TANC1: variants seen among roughly 807,000 people sequenced by gnomAD.
TANC1 encodes tetratricopeptide repeat, ankyrin repeat and coiled-coil containing 1, also known as protein TANC1.
A neutral mutation model predicts 149.7 loss-of-function variants in TANC1; 77 were observed. That is an observed-to-expected ratio of 0.51 (90% CI 0.43 to 0.62). The LOEUF is 0.62. TANC1 is among the 20% of genes least tolerant of loss of function. The probability of loss-of-function intolerance (pLI) is 0.00; values close to 1 mark genes in which losing one functional copy is unlikely to be tolerated. For missense variants in TANC1, 1,985 were observed against 2,321.8 expected, an observed-to-expected ratio of 0.85 and a Z score of 2.98; for synonymous variants, 854 against 925.0, an observed-to-expected ratio of 0.92 and a Z score of 1.39.
At chr2:159,137,964 TATAA>T (rs1311315325) in intron 5 of TANC1, among the ~76,000 whole-genome samples, 5 of 152,218 alleles carry the variant, frequency 3.3e-5, no homozygotes, top group African/African-American at 1.2e-4. Context: ...AATAAAAGGT[TATAA>T]ATAGTTCCTA....
chr2:159,231,226 A>G lies in TANC1; in HGVS notation c.*214A>G, dbSNP rs1045765046. 2 of 482,902 alleles carry G rather than the reference A, an allele frequency of 4.1e-6. No homozygotes were observed. Among genetic ancestry groups the G allele is most frequent in the African/African-American group, 3.9e-5 (2 of 51,596 alleles). 29.9% of individuals were successfully genotyped at this position (482,902 alleles called of 1,614,324 possible). A position where few individuals can be genotyped will look rare whatever the true frequency, so the allele number is the denominator to read the frequency against. On this transcript the variant is annotated 3_prime_UTR_variant, in exon 27 of 27. Transcript: ENST00000263635. ...AATGCTAAACAGAATTGAAAATTAT[A>G]TCAACTTAAAATTTTAAGACAGCCC...
At chr2:159,138,601 C>T (rs2051029556) in intron 5 of TANC1, among the ~76,000 whole-genome samples, 1 of 152,124 alleles carries the variant, frequency 6.6e-6, no homozygotes, top group Admixed American at 6.5e-5. Context: ...GATGGGCAAA[C>T]CCTCATTTTT....
At chr2:159,116,488 G>A (rs2048279619) in intron 4 of TANC1, among the ~76,000 whole-genome samples, 1 of 151,748 alleles carries the variant, frequency 6.6e-6, no homozygotes, top group South Asian at 2.1e-4. Flanking sequence ...GTTAGCTTTT[G>A]GAAATATGGC....
intron 11 of TANC1, among the ~76,000 whole-genome samples, chr2:159,173,886 C>A (rs573056386): frequency 4.3e-4 from 65 of 152,308 alleles, no homozygotes; most frequent in African/African-American, 1.5e-3. Context: ...TTGCCACTTG[C>A]CTTTTAAAGA....
In TANC1 at chr2:159,163,583, G is replaced by A. The variant is rs1382235802; in HGVS notation, c.946+37G>A. On this transcript the variant is annotated intron_variant, in intron 8 of 26. Transcript: ENST00000263635. Reference sequence around the variant, plus strand: ...CCTTTCCCTGGAAGGATTATCTCAGGGATACCAAGGTGCCCTGTGTTCACT... The same window carrying A: ...CCTTTCCCTGGAAGGATTATCTCAGAGATACCAAGGTGCCCTGTGTTCACT... 7 of 1,591,762 alleles carry A rather than the reference G, an allele frequency of 4.4e-6. No individual in the cohort carries two copies. The Admixed American group carries it at 1.2e-4, about 27-fold the overall frequency.
chr2:158,997,581 A>G (rs983814487), intron 1 of TANC1, among the ~76,000 whole-genome samples: 3 of 152,180 alleles, frequency 2.0e-5, no homozygotes, highest in African/African-American at 7.2e-5. Context: ...GGCATCTTGC[A>G]TTGTCAGAAA....
Position 159,163,431 on chromosome 2 carries a change from C to T in TANC1, c.831C>T (p.Thr277=). The T allele has an allele frequency of 6.2e-7, 1 of 1,614,174 alleles. No homozygotes were observed. Among genetic ancestry groups the T allele is most frequent in the Non-Finnish European group, 8.5e-7 (1 of 1,180,038 alleles). The part of the protein sequence containing the change: ...DNCSPVAEEE[T]TGSAESTLPK... ...GCTCCCCAGTGGCAGAAGAGGAGAC[C>T]ACCGGGTCAGCAGAGAGCACGCTGC... is the stretch of plus-strand genomic sequence containing the variant. The change falls in exon 8 of 27, where the codon ACC becomes ACT. Residue 277 remains threonine (T), a synonymous_variant. Coordinates refer to ENST00000263635, the MANE Select transcript of TANC1 (RefSeq NM_033394.3).
At chr2:159,007,148 T>G (rs993965197) in intron 2 of TANC1, among the ~76,000 whole-genome samples, 45 of 145,298 alleles carry the variant, frequency 3.1e-4, no homozygotes, top group South Asian at 6.9e-4. Flanking sequence ...GTTTTTTTTT[T>G]TTTTTTTTTT....
At chr2:159,122,456 A>G (rs1204777195) in intron 4 of TANC1, among the ~76,000 whole-genome samples, 1 of 152,182 alleles carries the variant, frequency 6.6e-6, no homozygotes, top group Non-Finnish European at 1.5e-5. Flanking sequence ...GTGTTTTTTT[A>G]AAATTAACAT....
At chr2:159,210,301 G>A (rs2150845635) in intron 19 of TANC1, among the ~76,000 whole-genome samples, 3 of 152,276 alleles carry the variant, frequency 2.0e-5, no homozygotes, top group Admixed American at 2.0e-4. Flanking sequence ...CCATTGTTGT[G>A]ATCTGTAAGC....
rs368465443 is a variant in TANC1, at chr2:159,178,989, C to T, written c.2336C>T (p.Ala779Val). 6 of 1,614,128 alleles carry T rather than the reference C, an allele frequency of 3.7e-6. No homozygotes were observed. Among genetic ancestry groups the T allele is most frequent in the Non-Finnish European group, 5.1e-6 (6 of 1,180,038 alleles). Reference protein sequence around the residue: ...TDEQIFQAINAGHIQGEQGWE... With the variant: ...TDEQIFQAINVGHIQGEQGWE... ...GAGCAGATCTTTCAGGCTATTAATG[C>T]TGGCCACATCCAGGGGGAGCAGGGA... Residue 779 changes from alanine (A) to valine (V), a missense_variant, in exon 14 of 27, where the codon GCT (alanine) becomes GTT (valine). By Grantham distance (64) the Ala-to-Val change is moderately conservative. Transcript: ENST00000263635.
At chr2:159,156,142 T>G (rs560658562) in intron 7 of TANC1, among the ~76,000 whole-genome samples, 21 of 152,372 alleles carry the variant, frequency 1.4e-4, no homozygotes, top group African/African-American at 4.8e-4. Context: ...TTGCCACCTG[T>G]ATCGCCCTGC....
At chr2:159,173,138 T>G (rs2055436489) in intron 11 of TANC1, among the ~76,000 whole-genome samples, 1 of 152,202 alleles carries the variant, frequency 6.6e-6, no homozygotes, top group Admixed American at 6.5e-5. Flanking sequence ...CTGCTTATGG[T>G]GATTTTCAAA....
intron 2 of TANC1, among the ~76,000 whole-genome samples, chr2:159,021,214 T>C (rs1459968598): frequency 6.6e-6 from 1 of 151,052 alleles, no homozygotes; most frequent in Non-Finnish European, 1.5e-5. Context: ...AATTTTAAAC[T>C]TTTTTTTTAA....
chr2:159,112,716 C>T (rs1041946662), intron 4 of TANC1, among the ~76,000 whole-genome samples: 1 of 152,252 alleles, frequency 6.6e-6, no homozygotes, highest in Middle Eastern at 3.4e-3. Flanking sequence ...GCTAGGACTA[C>T]AGGCACATGC....
Position 159,199,033 on chromosome 2 carries a change from A to G in TANC1, c.3224A>G (p.Asp1075Gly). The G allele has an allele frequency of 6.2e-7, 1 of 1,613,996 alleles. No individual in the cohort carries two copies. The highest frequency in any genetic ancestry group is 8.5e-7 in the Non-Finnish European group (1 of 1,179,894). ...CATGAAGTAGAAGTCAATGGCACCG[A>G]CACATTGTGGGGAGAAACAGGTAAT... Reference protein sequence around the residue: ...KEHEVEVNGTDTLWGETALTA... With the variant: ...KEHEVEVNGTGTLWGETALTA... The change falls in exon 19 of 27, where the codon GAC becomes GGC. Residue 1075 changes from aspartate to glycine, a missense_variant. This residue lies in a region of TANC1 where 920 missense variants were observed against 994.7 expected (regional missense o/e 0.92). Transcript: ENST00000263635.
intron 3 of TANC1, among the ~76,000 whole-genome samples, chr2:159,072,173 G>A (rs1446951379): frequency 6.6e-6 from 1 of 152,152 alleles, no homozygotes; most frequent in Non-Finnish European, 1.5e-5. Context: ...GTAGAGGTGG[G>A]GTTTTGCCAT....
At position 159,163,138 on chromosome 2, in the gene TANC1, T is replaced by C. The variant is rs561385177; in HGVS notation, c.683-145T>C. The stretch of plus-strand genomic sequence containing the variant: ...GCCACATTCTTCTAATTTACCAAAA[T>C]ACATTGTATGGAACATACTTTGATA... On this transcript the variant is annotated intron_variant, in intron 7 of 26. Transcript: ENST00000263635. 14 of 808,406 alleles carry C rather than the reference T, an allele frequency of 1.7e-5. No individual in the cohort carries two copies. In the East Asian group the frequency reaches 3.2e-4, roughly 19 times the overall value. 50.1% of individuals were successfully genotyped at this position (808,406 alleles called of 1,614,324 possible). A position where few individuals can be genotyped will look rare whatever the true frequency, so the allele number is the denominator to read the frequency against.
intron 16 of TANC1, among the ~76,000 whole-genome samples, chr2:159,189,896 T>C (rs2057311624): frequency 6.6e-6 from 1 of 152,114 alleles, no homozygotes; most frequent in Non-Finnish European, 1.5e-5. Flanking sequence ...TTAAGAACCA[T>C]AGTTTAGGGG....
Sources: allele counts gnomAD v4.1 joint callset (sites outside exome capture counted in the v4.1 genomes callset), GRCh38; gene constraint gnomAD v4.1.1; regional missense constraint gnomAD v4.1.1; transcripts MANE v1.5; gene names NCBI Gene and HGNC (gene_info 2026-07-23, HGNC 2026-07-21).